The following CLTCL1 variants were observed in gnomAD, a reference collection of about 807,000 sequenced individuals.
The protein encoded by CLTCL1 is clathrin heavy chain 2.
CLTCL1 carries 159 observed loss-of-function variants against 190.0 expected under a neutral mutation model. The observed-to-expected ratio is 0.84, with a 90% CI of 0.74 to 0.95. The LOEUF (loss-of-function observed/expected upper bound fraction) is 0.95, where lower values mean the gene tolerates loss of function less well. Among genes scored for constraint, CLTCL1 ranks in the 40% least tolerant of loss-of-function variants. CLTCL1 has a pLI of 0.00. For missense variants in CLTCL1, 1,878 were observed against 2,033.4 expected (o/e 0.92, Z 1.47); for synonymous variants, 752 against 769.6 (o/e 0.98, Z 0.38).
rs1288672873 is a variant in CLTCL1 at position 19,257,601 on chromosome 22, C to T, written c.251-3374G>A. On this transcript the variant is annotated intron_variant, in intron 2 of 32. Transcript: ENST00000427926. ...CGTCCAGCCGCCCAGCTACAGTACCCGGTTGATCAGCAGTCCAGCCGGCAT... is the reference window on the plus strand; with the variant it reads ...CGTCCAGCCGCCCAGCTACAGTACCTGGTTGATCAGCAGTCCAGCCGGCAT... The T allele has an allele frequency of 6.6e-5, 27 of 406,156 alleles. No individual in the cohort carries two copies. In the East Asian group the frequency reaches 1.2e-3, roughly 18 times the overall value. 25.2% of individuals were successfully genotyped at this position (406,156 alleles called of 1,614,324 possible).
chr22:19,183,389 C>G lies in CLTCL1; in HGVS notation c.4827+1G>C, dbSNP rs1555926663. The G allele has an allele frequency of 1.2e-6, 2 of 1,612,672 alleles. No homozygotes were observed. Among genetic ancestry groups the G allele is most frequent in the South Asian group, 2.2e-5 (2 of 90,994 alleles). On this transcript the variant is annotated splice_donor_variant, in intron 30 of 32. Transcript: ENST00000427926. LOFTEE classifies it high-confidence loss of function. The stretch of plus-strand genomic sequence containing the variant: ...GGAGCTGCAGCCGGCCCGGCACCTA[C>G]CTTGCTCAGGTACTCCCTCATCACC...
chr22:19,228,160 A>G (rs1555957078), intron 11 of CLTCL1, among the ~76,000 whole-genome samples: 2 of 152,236 alleles, frequency 1.3e-5, no homozygotes, highest in Non-Finnish European at 2.9e-5. Flanking sequence ...ACGATCAAAC[A>G]CAGTACTAAG....
intron 14 of CLTCL1, 121 bp downstream of exon 14, chr22:19,223,770 G>A (rs2085649193): frequency 8.9e-7 from 1 of 1,123,602 alleles, no homozygotes; most frequent in Non-Finnish European, 1.3e-6. Context: ...TCTGTCCCTG[G>A]GACTAAGGGG....
intron 26 of CLTCL1, among the ~76,000 whole-genome samples, chr22:19,193,654 T>G (rs1254150643): frequency 6.6e-6 from 1 of 152,182 alleles, no homozygotes; most frequent in African/African-American, 2.4e-5. Context: ...GCGGATTGTG[T>G]CTGTAATTTA....
intron 23 of CLTCL1, 122 bp downstream of exon 23, chr22:19,201,207 A>G: frequency 2.5e-6 from 3 of 1,188,326 alleles, no homozygotes; most frequent in Non-Finnish European, 3.4e-6. Context: ...AAGAATCCCA[A>G]GGGTTCAGAC....
At position 19,233,495 on chromosome 22, in the gene CLTCL1, G is replaced by A. The variant is rs781884784; in HGVS notation, c.1295C>T (p.Ser432Phe). The part of the protein sequence containing the change: ...LDQGQLNKLE[S>F]LELCHLVLQQ... Reference sequence around the variant, plus strand: ...AAGAACCAGATGGCAAAGTTCTAAGGATTCAAGTTTATTGAGCTGACCCTG... The same window carrying A: ...AAGAACCAGATGGCAAAGTTCTAAGAATTCAAGTTTATTGAGCTGACCCTG... Residue 432 changes from serine to phenylalanine, a missense_variant, in exon 8 of 33, where the codon TCC becomes TTC. Coordinates refer to ENST00000427926, the MANE Select transcript of CLTCL1 (RefSeq NM_007098.4). The A allele has an allele frequency of 1.2e-6, 2 of 1,613,846 alleles. No homozygotes were observed. The highest frequency in any genetic ancestry group is 1.7e-6 in the Non-Finnish European group (2 of 1,179,884).
chr22:19,269,144 T>G (rs1335747828), intron 2 of CLTCL1, among the ~76,000 whole-genome samples: 2 of 151,066 alleles, frequency 1.3e-5, no homozygotes, highest in Admixed American at 1.3e-4. Flanking sequence ...GGTTCACGCC[T>G]GTAATCCCAG....
intron 2 of CLTCL1, among the ~76,000 whole-genome samples, chr22:19,270,437 G>C (rs1345342703): frequency 6.6e-6 from 1 of 151,896 alleles, no homozygotes; most frequent in South Asian, 2.1e-4. Flanking sequence ...CCGAGAAGGA[G>C]TGAATGTTGG....
intron 26 of CLTCL1, among the ~76,000 whole-genome samples, chr22:19,195,051 C>T (rs2084651311): frequency 6.6e-6 from 1 of 152,178 alleles, no homozygotes; most frequent in African/African-American, 2.4e-5. Context: ...TTTTATATGC[C>T]AGTAAGAAAC....
chr22:19,205,378 C>T (rs1053423839), intron 22 of CLTCL1, among the ~76,000 whole-genome samples: 4 of 152,068 alleles, frequency 2.6e-5, no homozygotes, highest in South Asian at 2.1e-4. Flanking sequence ...GGAGTGGTGG[C>T]GTGCACCTGT....
Position 19,180,226 on chromosome 22 carries a change from TG to T in CLTCL1, c.4915del (p.His1639MetfsTer54). On this transcript the variant is annotated frameshift_variant, in exon 32 of 33. Coordinates refer to ENST00000427926, the MANE Select transcript of CLTCL1 (RefSeq NM_007098.4). LOFTEE classifies it high-confidence loss of function. ...AGTGCAATCAGCTGGGTCTCATTCA[TG>T]CCCATCAAAATCTAAAAAAACCAGA... ...PAPLVFDFDG[H>X]E 1 of 1,613,814 alleles carries T rather than the reference TG, an allele frequency of 6.2e-7. No homozygotes were observed. Among genetic ancestry groups the T allele is most frequent in the East Asian group, 2.2e-5 (1 of 44,874 alleles).
chr22:19,276,826 C>G (rs1322154155), intron 1 of CLTCL1, among the ~76,000 whole-genome samples: 2 of 152,142 alleles, frequency 1.3e-5, no homozygotes. Flanking sequence ...CCCGCCACCA[C>G]GCCTGGCTAT....
chr22:19,238,840 T>C (rs543372966), intron 5 of CLTCL1: 1 of 155,834 alleles, frequency 6.4e-6, no homozygotes, highest in Non-Finnish European at 1.4e-5. Flanking sequence ...AGTGTTTTAT[T>C]CTTTTTTTTA....
chr22:19,252,567 G>A (rs1555970478), intron 3 of CLTCL1, among the ~76,000 whole-genome samples: 2 of 152,122 alleles, frequency 1.3e-5, no homozygotes, highest in African/African-American at 4.8e-5. Context: ...ACATGTGACA[G>A]TTCCTTAATT....
chr22:19,219,987 C>G lies in CLTCL1; in HGVS notation c.2817G>C (p.Leu939=), dbSNP rs782235703. 1.2e-6 allele frequency: 2 copies of G among 1,614,032 alleles called. No homozygotes were observed. Among genetic ancestry groups the G allele is most frequent in the Non-Finnish European group, 1.7e-6 (2 of 1,179,902 alleles). Residue 939 remains leucine, a synonymous_variant, in exon 18 of 33, where the codon CTG becomes CTC. Coordinates refer to ENST00000427926, the MANE Select transcript of CLTCL1 (RefSeq NM_007098.4). ...CCAGGTAGCGGGCCTCGCTTTTGAA[C>G]AGAGAATTCTCATTGCACACCTGAA... ...ELIKVCNENS[L]FKSEARYLVC... is the part of the protein sequence containing the mutation.
intron 2 of CLTCL1, among the ~76,000 whole-genome samples, chr22:19,272,593 C>A (rs903637445): frequency 1.3e-5 from 2 of 152,144 alleles, no homozygotes; most frequent in Non-Finnish European, 2.9e-5. Flanking sequence ...GCCTCAGCCT[C>A]CCGAGTAACT....
At chr22:19,252,183 T>G (rs539109673) in intron 3 of CLTCL1, among the ~76,000 whole-genome samples, 1 of 152,322 alleles carries the variant, frequency 6.6e-6, no homozygotes, top group African/African-American at 2.4e-5. Flanking sequence ...TGGCCTCCAG[T>G]CTTCATGGTG....
intron 26 of CLTCL1, among the ~76,000 whole-genome samples, chr22:19,192,366 T>C (rs1446113745): frequency 6.6e-6 from 1 of 152,164 alleles, no homozygotes; most frequent in Non-Finnish European, 1.5e-5. Context: ...CGCCCAGCCC[T>C]GGCGATGTCA....
chr22:19,257,993 C>G (rs1229626832), intron 2 of CLTCL1: 1 of 582,610 alleles, frequency 1.7e-6, no homozygotes, highest in East Asian at 5.2e-5. Context: ...TGACAATGCC[C>G]ATCTTGCTGC....
Sources: allele counts gnomAD v4.1 joint callset (sites outside exome capture counted in the v4.1 genomes callset), GRCh38; gene constraint gnomAD v4.1.1; transcripts MANE v1.5; gene names NCBI Gene and HGNC (gene_info 2026-07-23, HGNC 2026-07-21).